USP43: variants seen among roughly 807,000 people sequenced by gnomAD.
The protein encoded by USP43 is ubiquitin carboxyl-terminal hydrolase 43.
Under a neutral mutation model 90.7 loss-of-function variants are expected in USP43, and 33 were observed. The ratio of observed to expected loss-of-function variants is 0.36; its 90% CI spans 0.28 to 0.49. USP43 has a LOEUF of 0.49. USP43 is among the 20% of genes least tolerant of loss of function. The pLI, the probability that USP43 is intolerant of heterozygous loss-of-function variation, is 0.98. For missense variants in USP43, 1,274 were observed against 1,476.4 expected, an observed-to-expected ratio of 0.86 and a Z score of 2.25; for synonymous variants, 598 against 615.8, an observed-to-expected ratio of 0.97 and a Z score of 0.43.
chr17:9,667,005 TC>T (rs1446880183), intron 3 of USP43, among the ~76,000 whole-genome samples: 1 of 152,110 alleles, frequency 6.6e-6, no homozygotes, highest in Non-Finnish European at 1.5e-5. Flanking sequence ...AGAGGATGAT[TC>T]CACAGAAGGT....
At chr17:9,723,230 G>T (rs186182465) in intron 14 of USP43, among the ~76,000 whole-genome samples, 15 of 152,144 alleles carry the variant, frequency 9.9e-5, no homozygotes, top group Non-Finnish European at 4.4e-5. Flanking sequence ...TTTTTTTCTG[G>T]TGGGAAGCTT....
Position 9,728,845 on chromosome 17 carries a change from C to T in USP43, c.3227C>T (p.Ala1076Val). 6.2e-7 allele frequency: 1 copy of T among 1,613,900 alleles called. No homozygotes were observed. Among genetic ancestry groups the T allele is most frequent in the East Asian group, 2.2e-5 (1 of 44,860 alleles). ...AGCTCTCTCCGCCTCCCTCGTAAAG[C>T]CAGCAGGGCCCCGAGAGGCAGTGCA... ...APSSLRLPRK[A>V]SRAPRGSALG... The change falls in exon 15 of 15, where the codon GCC (alanine) becomes GTC (valine). Residue 1076 changes from alanine to valine, a missense_variant. Around this residue, in one of 6 missense-constraint regions of USP43, gnomAD observed 353 missense variants for 329.7 expected, o/e 1.07. Coordinates refer to ENST00000285199, the MANE Select transcript of USP43 (RefSeq NM_153210.5). The surrounding 1 kb of genome is among the most constrained non-coding windows in gnomAD (Gnocchi z 6.2).
At position 9,682,807 on chromosome 17, in the gene USP43, A is replaced by G. The variant is rs143956338; in HGVS notation, c.1106-16A>G. On this transcript the variant is annotated splice_polypyrimidine_tract_variant and intron_variant, in intron 6 of 14. Coordinates refer to ENST00000285199, the MANE Select transcript of USP43 (RefSeq NM_153210.5). ...TCCTTTAGGAATATGAACAAATGTCATTCTCTCCCTTCTAGCTCATCCACT... is the reference window on the plus strand; with the variant it reads ...TCCTTTAGGAATATGAACAAATGTCGTTCTCTCCCTTCTAGCTCATCCACT... 3,622 of 1,612,454 alleles carry G rather than the reference A, an allele frequency of 2.2e-3. 9 individuals carry two copies. The highest frequency in any genetic ancestry group is 2.8e-3 in the Non-Finnish European group (3,356 of 1,178,916).
chr17:9,723,282 A>G (rs1294274591), intron 14 of USP43, among the ~76,000 whole-genome samples: 1 of 152,128 alleles, frequency 6.6e-6, no homozygotes, highest in African/African-American at 2.4e-5. Flanking sequence ...AAATTCTCCC[A>G]GAATATGCCT....
At chr17:9,678,191 G>A (rs1597839548) in intron 5 of USP43, among the ~76,000 whole-genome samples, 2 of 152,170 alleles carry the variant, frequency 1.3e-5, no homozygotes, top group East Asian at 1.9e-4. Flanking sequence ...GAGGTGTGAT[G>A]TGTTGGTTCA....
At chr17:9,673,093 C>T (rs769103360) in intron 3 of USP43, among the ~76,000 whole-genome samples, 6 of 152,044 alleles carry the variant, frequency 3.9e-5, no homozygotes, top group Non-Finnish European at 7.4e-5. Context: ...GTGTCCTCAG[C>T]GAAGTTAATG....
rs1238252590 is a variant in USP43 at position 9,712,069 on chromosome 17, C to G, written c.2272C>G (p.Pro758Ala). The change falls in exon 14 of 15, where the codon CCC becomes GCC. Residue 758 changes from proline to alanine, a missense_variant. Coordinates refer to ENST00000285199, the MANE Select transcript of USP43 (RefSeq NM_153210.5). ...GCTGTCCTGGAGCTCTGCCCCCTGC[C>G]CCTCCCTGCCCCAGGTTCCTGACTC... is the stretch of plus-strand genomic sequence containing the variant. ...SLLSWSSAPC[P>A]SLPQVPDSPI... 3.7e-6 allele frequency: 6 copies of G among 1,611,432 alleles called. No individual in the cohort carries two copies. The South Asian group carries it at 5.5e-5, about 15-fold the overall frequency.
At chr17:9,705,111 C>T (rs945917410) in intron 12 of USP43, among the ~76,000 whole-genome samples, 12 of 152,044 alleles carry the variant, frequency 7.9e-5, no homozygotes, top group Non-Finnish European at 1.6e-4. Flanking sequence ...TCTACCCCCT[C>T]CTCATTTCTA....
At chr17:9,710,557 T>A (rs1184175676) in intron 13 of USP43, among the ~76,000 whole-genome samples, 3 of 132,402 alleles carry the variant, frequency 2.3e-5, no homozygotes, top group Non-Finnish European at 3.0e-5. Flanking sequence ...CAGGCTGGAG[T>A]GCAGTGGCAT....
chr17:9,689,805 T>C (rs1914823807), intron 8 of USP43, among the ~76,000 whole-genome samples: 2 of 152,268 alleles, frequency 1.3e-5, no homozygotes, highest in African/African-American at 2.4e-5. Context: ...TGTGCAGATG[T>C]TGGTGCCGTA....
intron 5 of USP43, among the ~76,000 whole-genome samples, chr17:9,677,791 C>A (rs1415791275): frequency 6.6e-6 from 1 of 152,118 alleles, no homozygotes; most frequent in East Asian, 1.9e-4. Context: ...GAAGGCATGC[C>A]ACACATACAA....
intron 1 of USP43, among the ~76,000 whole-genome samples, chr17:9,651,538 A>G (rs1911863232): frequency 6.6e-6 from 1 of 152,170 alleles, no homozygotes. Flanking sequence ...CATATTTGCT[A>G]CAAATATTTT....
intron 1 of USP43, among the ~76,000 whole-genome samples, chr17:9,652,565 G>T (rs541824993): frequency 3.3e-5 from 5 of 151,986 alleles, no homozygotes; most frequent in Non-Finnish European, 7.4e-5. Context: ...GTTTCACCTT[G>T]GTAGCCAGGA....
intron 12 of USP43, among the ~76,000 whole-genome samples, chr17:9,708,435 T>A (rs1035000379): frequency 1.3e-4 from 20 of 152,108 alleles, no homozygotes; most frequent in African/African-American, 4.6e-4. Flanking sequence ...CTGGCTGAGA[T>A]GTTGGTGTTG....
In USP43 at chr17:9,686,899, C is replaced by T. The variant is rs1470641408; in HGVS notation, c.1343C>T (p.Ala448Val). Residue 448 changes from alanine to valine, a missense_variant, in exon 8 of 15, where the codon GCC becomes GTC. Coordinates refer to ENST00000285199, the MANE Select transcript of USP43 (RefSeq NM_153210.5). This position sits in a 1 kb window ranked among gnomAD's most constrained non-coding sequence, Gnocchi z 5.5. ...GTCCGCCATCTTATGAAGAGTGAGG[C>T]CCCTGTACAGGTCAGTGGTGTGCAT... ...SKVRHLMKSE[A>V]PVQNLGSLFS... 2 of 1,613,164 alleles carry T rather than the reference C, an allele frequency of 1.2e-6. No individual in the cohort carries two copies. Among genetic ancestry groups the T allele is most frequent in the African/African-American group, 1.3e-5 (1 of 74,898 alleles).
intron 14 of USP43, among the ~76,000 whole-genome samples, chr17:9,722,418 G>A (rs1917009264): frequency 6.6e-6 from 1 of 152,120 alleles, no homozygotes; most frequent in Non-Finnish European, 1.5e-5. Flanking sequence ...CTTATAATTG[G>A]AGCCTTCAGT....
intron 2 of USP43, among the ~76,000 whole-genome samples, chr17:9,664,879 C>T (rs980885200): frequency 4.6e-5 from 7 of 152,162 alleles, no homozygotes; most frequent in East Asian, 1.9e-4. Flanking sequence ...CCTCGTGATC[C>T]ACCCACCTCG....
At chr17:9,718,359 T>C (rs17207388) in intron 14 of USP43, among the ~76,000 whole-genome samples, 7,509 of 152,218 alleles carry the variant, frequency 0.049, 295 homozygotes, top group East Asian at 0.21. Flanking sequence ...TGAATAGAGA[T>C]GATGATAGGA....
chr17:9,684,667 G>T (rs2151978380), intron 7 of USP43, among the ~76,000 whole-genome samples: 1 of 151,138 alleles, frequency 6.6e-6, no homozygotes, highest in African/African-American at 2.4e-5. Flanking sequence ...GGAGGCTGAG[G>T]CAGGAGAATT....
Sources: gnomAD v4.1 joint callset for allele counts (sites outside exome capture counted in the v4.1 genomes callset) on GRCh38, gnomAD v4.1.1 for gene constraint, gnomAD v4.1.1 regional missense constraint, Gnocchi (gnomAD v3.1) non-coding constraint, MANE v1.5 for transcripts, NCBI Gene and HGNC (gene_info 2026-07-23, HGNC 2026-07-21) for gene names.